Variants in CD163L1 observed in about 807,000 individuals in gnomAD.
CD163L1 encodes scavenger receptor cysteine-rich type 1 protein M160.
In CD163L1, 124 loss-of-function variants were observed where a neutral mutation model predicts 165.4. The observed-to-expected ratio is 0.75, with a 90% CI of 0.65 to 0.87. The LOEUF is 0.87. Ranked by LOEUF, CD163L1 falls within the 40% of genes least tolerant of loss-of-function variation. The pLI, the probability that CD163L1 is intolerant of heterozygous loss-of-function variation, is 0.00. For missense variants in CD163L1, 1,525 were observed against 1,799.9 expected (o/e 0.85, Z 2.76); for synonymous variants, 585 against 662.2 (o/e 0.88, Z 1.79).
Position 7,415,732 on chromosome 12 carries a change from C to T in CD163L1, c.767-8880G>A, listed in dbSNP as rs796545956. Among the ~76,000 whole-genome samples the T allele has an allele frequency of 7.4e-4, 113 of 152,274 alleles. 1 individual carries two copies. Among genetic ancestry groups the T allele is most frequent in the African/African-American group, 2.7e-3 (111 of 41,548 alleles). On this transcript the variant is annotated intron_variant, in intron 4 of 19. Coordinates refer to ENST00000313599, the MANE Select transcript of CD163L1 (RefSeq NM_174941.6). ...GAGAATGATGGTTTCCAGCTTCATC[C>T]ACGTCCCTGCAAAGGACATAAACTC... is the stretch of plus-strand genomic sequence containing the variant.
At chr12:7,399,109 ATTGAGAAAAT>A (rs1947846289) in intron 6 of CD163L1, among the ~76,000 whole-genome samples, 2 of 152,092 alleles carry the variant, frequency 1.3e-5, no homozygotes, top group South Asian at 4.2e-4. Flanking sequence ...CTTGAGAAAT[ATTGAGAAAAT>A]TTGAGAATTT....
intron 4 of CD163L1, among the ~76,000 whole-genome samples, chr12:7,349,448 T>G (rs1946693010): frequency 6.6e-6 from 1 of 152,168 alleles, no homozygotes; most frequent in Admixed American, 6.5e-5. Context: ...AATAAAAAGA[T>G]TGTTTTTGAA....
chr12:7,396,617 C>T (rs774208107), intron 7 of CD163L1, among the ~76,000 whole-genome samples: 4 of 152,094 alleles, frequency 2.6e-5, no homozygotes, highest in African/African-American at 4.8e-5. Context: ...GGGTGGGCCT[C>T]ATCCAATCAG....
intron 4 of CD163L1, among the ~76,000 whole-genome samples, chr12:7,408,477 C>T (rs181789030): frequency 4.6e-5 from 7 of 151,976 alleles, no homozygotes; most frequent in Middle Eastern, 3.4e-3. Flanking sequence ...GTATTTTTAT[C>T]GATACATATC....
chr12:7,421,045 A>ATGTATATATACG (rs1948349551), intron 4 of CD163L1, among the ~76,000 whole-genome samples: 1 of 92,466 alleles, frequency 1.1e-5, no homozygotes, highest in African/African-American at 5.9e-5. Context: ...ACGTGTATAT[A>ATGTATATATACG]TATGTATATA....
intron 8 of CD163L1, among the ~76,000 whole-genome samples, chr12:7,391,775 T>C (rs1947659913): frequency 6.6e-6 from 1 of 152,190 alleles, no homozygotes; most frequent in South Asian, 2.1e-4. Context: ...GTTGTAATCC[T>C]AGTCTCTGAT....
chr12:7,328,905 A>G, the CD163L1 span, among the ~76,000 whole-genome samples: 26 of 149,536 alleles, frequency 1.7e-4, no homozygotes, highest in Non-Finnish European at 2.7e-4. Flanking sequence ...ATCTGTATAT[A>G]TGTATATATA....
the CD163L1 span, among the ~76,000 whole-genome samples, chr12:7,318,890 G>C: frequency 6.6e-6 from 1 of 152,166 alleles, no homozygotes; most frequent in Non-Finnish European, 1.5e-5. Flanking sequence ...TGACAAGATG[G>C]TTTAAGGCAG....
intron 4 of CD163L1, among the ~76,000 whole-genome samples, chr12:7,415,576 AC>A (rs952038474): frequency 8.6e-5 from 13 of 151,064 alleles, no homozygotes; most frequent in African/African-American, 2.9e-4. Context: ...TCACTCCCCT[AC>A]CCCCCCAACC....
chr12:7,433,742 G>A (rs1401466850), intron 2 of CD163L1, 48 bp from the exon 3 acceptor site: 2 of 1,404,282 alleles, frequency 1.4e-6, no homozygotes, highest in Non-Finnish European at 2.0e-6. Flanking sequence ...AGATTAGAAG[G>A]CAGAAATAAT....
At chr12:7,393,146 T>C (rs753073461) in intron 8 of CD163L1, among the ~76,000 whole-genome samples, 1 of 152,286 alleles carries the variant, frequency 6.6e-6, no homozygotes, top group East Asian at 1.9e-4. Context: ...CCAATAACCC[T>C]AATGAACATC....
chr12:7,329,112 C>G, the CD163L1 span, among the ~76,000 whole-genome samples: 1 of 146,710 alleles, frequency 6.8e-6, no homozygotes, highest in Admixed American at 6.8e-5. Flanking sequence ...ACATATGTAT[C>G]TATATATACA....
chr12:7,345,854 G>A (rs1946666180), downstream of CD163L1, among the ~76,000 whole-genome samples: 1 of 152,212 alleles, frequency 6.6e-6, no homozygotes, highest in South Asian at 2.1e-4. Flanking sequence ...GGCAAAGGGG[G>A]TAGAGTGGCT....
In CD163L1 at chr12:7,403,578, CT is replaced by C; in HGVS notation, c.1364del (p.Lys455SerfsTer12). ...LWDCTYDGKA[K>X]RTCFRRSDAG... ...CATCTGATCTTCGGAAGCATGTTCG[CT>C]TTGCTTTTCCATCATATGTGCAGTC... On this transcript the variant is annotated frameshift_variant, in exon 6 of 20. Coordinates refer to ENST00000313599, the MANE Select transcript of CD163L1 (RefSeq NM_174941.6). LOFTEE classifies it high-confidence loss of function. 1 of 1,613,930 alleles carries C rather than the reference CT, an allele frequency of 6.2e-7. No homozygotes were observed. Among genetic ancestry groups the C allele is most frequent in the Non-Finnish European group, 8.5e-7 (1 of 1,179,916 alleles).
intron 4 of CD163L1, among the ~76,000 whole-genome samples, chr12:7,421,077 A>ATATATACG (rs1565808970): frequency 9.7e-6 from 1 of 103,090 alleles, no homozygotes; most frequent in African/African-American, 4.4e-5. Flanking sequence ...ATATATACGT[A>ATATATACG]TATATATACG....
At chr12:7,393,445 G>T (rs180877255) in intron 8 of CD163L1, among the ~76,000 whole-genome samples, 355 of 152,204 alleles carry the variant, frequency 2.3e-3, no homozygotes, top group African/African-American at 8.0e-3. Context: ...AGCTATTTAT[G>T]ACAAACCCAC....
At chr12:7,362,517 T>C (rs1307797715) in intron 18 of CD163L1, among the ~76,000 whole-genome samples, 1 of 142,234 alleles carries the variant, frequency 7.0e-6, no homozygotes, top group African/African-American at 2.6e-5. Context: ...AATTAATAGT[T>C]ATTACATAAC....
At chr12:7,430,448 T>G (rs1178336548) in intron 4 of CD163L1, among the ~76,000 whole-genome samples, 1 of 152,180 alleles carries the variant, frequency 6.6e-6, no homozygotes. Flanking sequence ...GAACAAAGAT[T>G]TATCATATTT....
At chr12:7,404,483 T>A (rs745922138) in intron 5 of CD163L1, among the ~76,000 whole-genome samples, 12 of 152,224 alleles carry the variant, frequency 7.9e-5, no homozygotes, top group Non-Finnish European at 1.5e-4. Context: ...TTTTGCTCCA[T>A]CAGCATATAC....
Sources: allele counts gnomAD v4.1 joint callset (sites outside exome capture counted in the v4.1 genomes callset), GRCh38; gene constraint gnomAD v4.1.1; transcripts MANE v1.5; gene names NCBI Gene and HGNC (gene_info 2026-07-23, HGNC 2026-07-21).